CDH4: variants seen among roughly 807,000 people sequenced by gnomAD.
CDH4 encodes cadherin 4, also known as cadherin-4.
CDH4 carries 33 observed loss-of-function variants against 86.0 expected under a neutral mutation model. That is an observed-to-expected ratio of 0.38 (90% CI 0.29 to 0.51). The LOEUF is 0.51. Ranked by LOEUF, CDH4 falls within the 20% of genes least tolerant of loss-of-function variation. The probability of loss-of-function intolerance (pLI) is 0.86; values close to 1 mark genes in which losing one functional copy is unlikely to be tolerated. For missense variants in CDH4, 1,114 were observed against 1,307.4 expected (o/e 0.85, Z 2.28); for synonymous variants, 555 against 549.4 (o/e 1.01, Z -0.14).
At chr20:61,371,351 G>A (rs2084839134) in intron 2 of CDH4, among the ~76,000 whole-genome samples, 1 of 152,180 alleles carries the variant, frequency 6.6e-6, no homozygotes, top group South Asian at 2.1e-4. Context: ...TGGATGAAGG[G>A]GACCCTTCCT....
intron 2 of CDH4, among the ~76,000 whole-genome samples, chr20:61,528,777 T>TCCTCAACC (rs935719128): frequency 3.3e-5 from 5 of 151,884 alleles, no homozygotes. Flanking sequence ...CGGGGTTGCA[T>TCCTCAACC]CCTGGGCAGT....
rs553068021 is a variant in CDH4, at chr20:61,406,158, C to T, written c.169+151221C>T. 1.2e-4 allele frequency among the ~76,000 whole-genome samples: 18 copies of T among 152,236 alleles called. No individual in the cohort carries two copies. The East Asian group carries it at 1.5e-3, about 13-fold the overall frequency. ...TCTCTGTCGGGATTTTTCAGGATCCCGAAAGCCCAGGTAATGCCCGTCTGG... is the reference window on the plus strand; with the variant it reads ...TCTCTGTCGGGATTTTTCAGGATCCTGAAAGCCCAGGTAATGCCCGTCTGG... On this transcript the variant is annotated intron_variant, in intron 2 of 15. Coordinates refer to ENST00000614565, the MANE Select transcript of CDH4 (RefSeq NM_001794.5).
chr20:61,620,990 C>T (rs1423221822), intron 2 of CDH4, among the ~76,000 whole-genome samples: 1 of 152,220 alleles, frequency 6.6e-6, no homozygotes, highest in Non-Finnish European at 1.5e-5. Context: ...TGTTTGCTCT[C>T]GATCATGTCT....
chr20:61,541,828 C>G (rs1312085912), intron 2 of CDH4, among the ~76,000 whole-genome samples: 1 of 152,186 alleles, frequency 6.6e-6, no homozygotes, highest in Non-Finnish European at 1.5e-5. Flanking sequence ...CCCTCTCTCT[C>G]CTGAGGACTT....
chr20:61,622,066 A>G (rs1179082860), intron 2 of CDH4, among the ~76,000 whole-genome samples: 4 of 152,254 alleles, frequency 2.6e-5, no homozygotes, highest in East Asian at 3.9e-4. Flanking sequence ...CAGGCCTCCT[A>G]TTAGGATCAA....
At chr20:61,809,992 T>C (rs1457415492) in intron 4 of CDH4, among the ~76,000 whole-genome samples, 1 of 152,094 alleles carries the variant, frequency 6.6e-6, no homozygotes, top group Non-Finnish European at 1.5e-5. Flanking sequence ...GACCATCGTA[T>C]CAGTTGGTGA....
intron 2 of CDH4, among the ~76,000 whole-genome samples, chr20:61,606,802 G>T (rs749206963): frequency 3.7e-4 from 56 of 152,244 alleles, no homozygotes; most frequent in Non-Finnish European, 6.5e-4. Flanking sequence ...TTTGCCTGAG[G>T]TTAAATGACT....
At chr20:61,429,883 T>C (rs973359999) in intron 2 of CDH4, among the ~76,000 whole-genome samples, 11 of 152,200 alleles carry the variant, frequency 7.2e-5, no homozygotes, top group African/African-American at 2.7e-4. Flanking sequence ...AAGCGCTACA[T>C]CTGTAGCCTT....
chr20:61,335,014 G>A (rs1160017711), intron 2 of CDH4, among the ~76,000 whole-genome samples: 1 of 152,232 alleles, frequency 6.6e-6, no homozygotes, highest in Non-Finnish European at 1.5e-5. Context: ...TAATAAGCAT[G>A]ATGACAGCGA....
chr20:61,320,119 G>T (rs1970542), intron 2 of CDH4, among the ~76,000 whole-genome samples: 35,261 of 151,930 alleles, frequency 0.23, 4,096 homozygotes, highest in Middle Eastern at 0.41. Flanking sequence ...CATCTCCCAG[G>T]TGGGACTGTT....
At chr20:61,421,942 G>A (rs999882052) in intron 2 of CDH4, among the ~76,000 whole-genome samples, 6 of 152,166 alleles carry the variant, frequency 3.9e-5, no homozygotes, top group Admixed American at 2.0e-4. Flanking sequence ...TCCTCACCAC[G>A]CAAGCCTTGA....
chr20:61,817,135 A>G (rs1221019136), intron 4 of CDH4, among the ~76,000 whole-genome samples: 2 of 152,168 alleles, frequency 1.3e-5, no homozygotes, highest in Non-Finnish European at 2.9e-5. Flanking sequence ...CCTCTCCCAA[A>G]CCTGCTGATA....
intron 2 of CDH4, among the ~76,000 whole-genome samples, chr20:61,405,680 A>G (rs754204292): frequency 6.6e-6 from 1 of 151,062 alleles, no homozygotes; most frequent in Non-Finnish European, 1.5e-5. Flanking sequence ...TATTATAGCT[A>G]TATCTATGTA....
At position 61,937,645 on chromosome 20, in the gene CDH4, C is replaced by CG. The variant is rs368125925; in HGVS notation, c.*702_*703insG. 2,160 of 151,834 alleles carry CG rather than the reference C, an allele frequency of 0.014. 21 individuals carry two copies. The highest frequency in any genetic ancestry group is 0.026 in the African/African-American group (1,094 of 41,378). The allele number at this position is 151,834 out of a possible 1,614,324, so 9.4% of individuals were successfully genotyped here. On this transcript the variant is annotated 3_prime_UTR_variant, in exon 16 of 16. Coordinates refer to ENST00000614565, the MANE Select transcript of CDH4 (RefSeq NM_001794.5). ...CCCTACCTTGTGGCTGCTCCCCACC[C>CG]CTCCCGGATGCTGTGAGGAGCTCAG...
At chr20:61,924,626 A>G (rs1355728966) in intron 11 of CDH4, 150 bp downstream of exon 11, 2 of 819,814 alleles carry the variant, frequency 2.4e-6, no homozygotes, top group Non-Finnish European at 3.7e-6. Context: ...ATCTGTGCAG[A>G]CACCGGTGAT....
At chr20:61,846,342 C>T (rs1295653859) in intron 5 of CDH4, among the ~76,000 whole-genome samples, 1 of 152,258 alleles carries the variant, frequency 6.6e-6, no homozygotes, top group African/African-American at 2.4e-5. Flanking sequence ...GGCTGACGCC[C>T]CCTGGCTATG....
rs370162970 is a variant in CDH4 at position 61,688,784 on chromosome 20, G to GT, written c.170-54773dup. On this transcript the variant is annotated intron_variant, in intron 2 of 15. Coordinates refer to ENST00000614565, the MANE Select transcript of CDH4 (RefSeq NM_001794.5). Reference sequence around the variant, plus strand: ...CATCTTTTAAATTATATTTTTGATTGTTTTTTCTGATAACACAAGTAACAT... The same window carrying GT: ...CATCTTTTAAATTATATTTTTGATTGTTTTTTTCTGATAACACAAGTAACAT... 4.7e-4 allele frequency among the ~76,000 whole-genome samples: 72 copies of GT among 152,306 alleles called. 1 individual carries two copies. Among genetic ancestry groups the GT allele is most frequent in the African/African-American group, 1.4e-3 (59 of 41,584 alleles).
intron 2 of CDH4, among the ~76,000 whole-genome samples, chr20:61,452,699 T>C (rs929435346): frequency 1.3e-5 from 2 of 152,250 alleles, no homozygotes; most frequent in African/African-American, 4.8e-5. Context: ...TGTGATTTGG[T>C]TGATTCTTCA....
intron 2 of CDH4, among the ~76,000 whole-genome samples, chr20:61,537,661 T>G (rs1365339315): frequency 6.6e-6 from 1 of 152,082 alleles, no homozygotes; most frequent in Non-Finnish European, 1.5e-5. Flanking sequence ...CCCTCCCCAC[T>G]CACGAGGCGT....
Sources: gnomAD v4.1 joint callset for allele counts (sites outside exome capture counted in the v4.1 genomes callset) on GRCh38, gnomAD v4.1.1 for gene constraint, MANE v1.5 for transcripts, NCBI Gene and HGNC (gene_info 2026-07-23, HGNC 2026-07-21) for gene names.